The following FOXK1 variants were observed in gnomAD, a reference collection of about 807,000 sequenced individuals.
The protein encoded by FOXK1 is forkhead box K1.
Under a neutral mutation model 51.9 loss-of-function variants are expected in FOXK1, and 19 were observed. That is an observed-to-expected ratio of 0.37 (90% CI 0.26 to 0.54). The LOEUF (loss-of-function observed/expected upper bound fraction) is 0.54, where lower values mean the gene tolerates loss of function less well. FOXK1 is among the 20% of genes least tolerant of loss of function. The pLI, the probability that FOXK1 is intolerant of heterozygous loss-of-function variation, is 0.87. For synonymous variants in FOXK1, 537 were observed against 482.6 expected, an observed-to-expected ratio of 1.11 and a Z score of -1.48; for missense variants, 870 against 1,032.7, an observed-to-expected ratio of 0.84 and a Z score of 2.16.
At chr7:4,725,598 C>T (rs761788467) in intron 1 of FOXK1, among the ~76,000 whole-genome samples, 1 of 152,254 alleles carries the variant, frequency 6.6e-6, no homozygotes, top group African/African-American at 2.4e-5. Context: ...ACGGACTCTC[C>T]GGGCCTCGCC....
At chr7:4,688,646 C>G (rs976000814) in intron 1 of FOXK1, among the ~76,000 whole-genome samples, 6 of 152,154 alleles carry the variant, frequency 3.9e-5, no homozygotes, top group African/African-American at 1.4e-4. Flanking sequence ...CTCAGCCTCT[C>G]AAAGTGTTGA....
chr7:4,739,064 A>G (rs1171892568), intron 1 of FOXK1, among the ~76,000 whole-genome samples: 3 of 152,206 alleles, frequency 2.0e-5, no homozygotes, highest in Non-Finnish European at 4.4e-5. Context: ...AGGGACTTTC[A>G]TATGAAAGAG....
Position 4,682,835 on chromosome 7 carries a change from G to A in FOXK1, c.527G>A (p.Arg176Lys). ...NGVFVDGAFQRRGAPALQLPK... is the reference protein window; with the variant it reads ...NGVFVDGAFQKRGAPALQLPK... ...GTCTTCGTGGACGGGGCCTTCCAGA[G>A]ACGCGGCGCGCCCGCCCTGCAGCTG... Residue 176 changes from arginine (R) to lysine (K), a missense_variant, in exon 1 of 9, where the codon AGA (arginine) becomes AAA (lysine). By Grantham distance (26) the Arg-to-Lys change is conservative. Transcript: ENST00000328914. This position sits in a 1 kb window ranked among gnomAD's most constrained non-coding sequence, Gnocchi z 7.6. The A allele has an allele frequency of 1.3e-6, 2 of 1,567,054 alleles. No homozygotes were observed. The highest frequency in any genetic ancestry group is 2.3e-5 in the East Asian group (1 of 42,792).
intron 1 of FOXK1, among the ~76,000 whole-genome samples, chr7:4,696,324 G>A (rs1208732839): frequency 3.9e-5 from 6 of 152,086 alleles, no homozygotes; most frequent in Non-Finnish European, 7.4e-5. Context: ...GTCTAGCTTG[G>A]ATTTACTGTG....
chr7:4,717,902 A>G (rs1392737386), intron 1 of FOXK1, among the ~76,000 whole-genome samples: 1 of 152,062 alleles, frequency 6.6e-6, no homozygotes, highest in Admixed American at 6.6e-5. Context: ...ATGGTTTTCT[A>G]TTGTAAAAGT....
chr7:4,697,828 TC>T (rs1245818657), intron 1 of FOXK1, among the ~76,000 whole-genome samples: 3 of 151,888 alleles, frequency 2.0e-5, no homozygotes, highest in Non-Finnish European at 4.4e-5. Flanking sequence ...AATTTTTTTT[TC>T]TTTTTTTTAT....
intron 1 of FOXK1, among the ~76,000 whole-genome samples, chr7:4,685,384 C>T (rs1398646390): frequency 2.6e-5 from 4 of 151,710 alleles, no homozygotes; most frequent in Non-Finnish European, 5.9e-5. Context: ...CCAGCTAATT[C>T]TTTGTATTTT....
intron 2 of FOXK1, among the ~76,000 whole-genome samples, chr7:4,744,728 C>A (rs1468068118): frequency 2.0e-5 from 3 of 152,266 alleles, no homozygotes; most frequent in Admixed American, 2.0e-4. Context: ...TGGGCCTGCA[C>A]CTGCCCTGCT....
chr7:4,744,742 G>A (rs1210470608), intron 2 of FOXK1, among the ~76,000 whole-genome samples: 2 of 152,264 alleles, frequency 1.3e-5, no homozygotes, highest in African/African-American at 4.8e-5. Flanking sequence ...CCCTGCTCTT[G>A]CTGCGGGAGC....
chr7:4,729,953 G>A lies in FOXK1; in HGVS notation c.561-10885G>A, dbSNP rs1780428687. On this transcript the variant is annotated intron_variant, in intron 1 of 8. Transcript: ENST00000328914. The surrounding 1 kb of genome is among the most constrained non-coding windows in gnomAD (Gnocchi z 6.2). ...TGCAGTGAGCTGAGATCCAGCCACT[G>A]CCCTCCAGCCTGGGCGACAGAGCGA... Among the ~76,000 whole-genome samples, 2 of 152,156 alleles carry A rather than the reference G, an allele frequency of 1.3e-5. No homozygotes were observed. The highest frequency in any genetic ancestry group is 4.1e-4 in the South Asian group (2 of 4,832).
chr7:4,721,569 CTTTTCT>C (rs1780310761), intron 1 of FOXK1, among the ~76,000 whole-genome samples: 1 of 147,372 alleles, frequency 6.8e-6, no homozygotes, highest in African/African-American at 2.5e-5. Context: ...GGACTTTTCT[CTTTTCT>C]TTTTCTTTTT....
intron 2 of FOXK1, among the ~76,000 whole-genome samples, chr7:4,750,959 C>G (rs1272718923): frequency 6.6e-6 from 1 of 152,050 alleles, no homozygotes; most frequent in Non-Finnish European, 1.5e-5. Flanking sequence ...CCACCTCGGC[C>G]CCCTCAAAGT....
intron 1 of FOXK1, among the ~76,000 whole-genome samples, chr7:4,693,093 A>T (rs1759775049): frequency 1.3e-5 from 2 of 152,112 alleles, no homozygotes; most frequent in South Asian, 4.1e-4. Flanking sequence ...TTGCTCTTTC[A>T]TTTTGAATGA....
In FOXK1 at chr7:4,756,841, G is replaced by A. The variant is rs185754557; in HGVS notation, c.1051-153G>A. On this transcript the variant is annotated intron_variant, in intron 4 of 8. Transcript: ENST00000328914. The surrounding 1 kb of genome is among the most constrained non-coding windows in gnomAD (Gnocchi z 4.1). ...ATGACCTGCCCTGTGCCTCGGTGCT[G>A]CTCCCGTGAGGCCCAGCCAGCACAG... is the stretch of plus-strand genomic sequence containing the variant. Among the ~76,000 whole-genome samples, 3 of 152,076 alleles carry A rather than the reference G, an allele frequency of 2.0e-5. No homozygotes were observed. The highest frequency in any genetic ancestry group is 2.0e-4 in the Admixed American group (3 of 15,284).
chr7:4,750,465 C>T (rs1296142345), intron 2 of FOXK1, among the ~76,000 whole-genome samples: 2 of 149,200 alleles, frequency 1.3e-5, no homozygotes, highest in Admixed American at 1.3e-4. Context: ...TTTTTTGAGA[C>T]AGAATCTCGC....
chr7:4,750,474 G>A (rs186945820), intron 2 of FOXK1, among the ~76,000 whole-genome samples: 1,863 of 149,314 alleles, frequency 0.012, 42 homozygotes, highest in African/African-American at 0.042. Flanking sequence ...ACAGAATCTC[G>A]CTCTGTCGCC....
chr7:4,701,502 T>A (rs535709664), intron 1 of FOXK1, among the ~76,000 whole-genome samples: 57 of 152,320 alleles, frequency 3.7e-4, no homozygotes, highest in African/African-American at 1.3e-3. Context: ...ACACCAGTAA[T>A]CCCAACACTT....
Position 4,740,962 on chromosome 7 carries a change from A to G in FOXK1, c.685A>G (p.Ile229Val). Residue 229 changes from isoleucine to valine, a missense_variant, in exon 2 of 9, where the codon ATC becomes GTC. Transcript: ENST00000328914. The stretch of plus-strand genomic sequence containing the variant: ...CCAGATCTCCCCTCTGAAGATCCAC[A>G]TCCCGGAGCCGGACCTCCGGAGCAT... ...YPQISPLKIH[I>V]PEPDLRSMVS... is the part of the protein sequence containing the mutation. 6.4e-7 allele frequency: 1 copy of G among 1,566,376 alleles called. No individual in the cohort carries two copies. Among genetic ancestry groups the G allele is most frequent in the South Asian group, 1.2e-5 (1 of 84,296 alleles).
At chr7:4,714,286 C>T (rs1203002509) in intron 1 of FOXK1, among the ~76,000 whole-genome samples, 2 of 151,830 alleles carry the variant, frequency 1.3e-5, no homozygotes, top group African/African-American at 2.4e-5. Flanking sequence ...CTGTGTGTGT[C>T]TGTTTGTTTG....
Sources: allele counts gnomAD v4.1 joint callset (sites outside exome capture counted in the v4.1 genomes callset), GRCh38; gene constraint gnomAD v4.1.1; non-coding constraint Gnocchi (gnomAD v3.1); transcripts MANE v1.5; gene names NCBI Gene and HGNC (gene_info 2026-07-23, HGNC 2026-07-21).